FBXO42: variants seen among roughly 807,000 people sequenced by gnomAD.
FBXO42 encodes the protein F-box only protein 42.
In FBXO42, 12 loss-of-function variants were observed where a neutral mutation model predicts 71.7. The observed-to-expected ratio is 0.17, with a 90% CI of 0.11 to 0.27. The LOEUF (loss-of-function observed/expected upper bound fraction) is 0.27. Among genes scored for constraint, FBXO42 ranks in the 10% least tolerant of loss-of-function variants. The probability of loss-of-function intolerance (pLI) is 1.00; values close to 1 mark genes in which losing one functional copy is unlikely to be tolerated. For missense variants in FBXO42, 707 were observed against 911.9 expected (o/e 0.78, Z 2.89); for synonymous variants, 325 against 327.5 (o/e 0.99, Z 0.08).
chr1:16,350,170 A>C (rs2082686180), intron 1 of FBXO42, among the ~76,000 whole-genome samples: 1 of 152,110 alleles, frequency 6.6e-6, no homozygotes, highest in Non-Finnish European at 1.5e-5. Flanking sequence ...AAGGAATTGC[A>C]AAGGTCAAAA....
At chr1:16,339,463 C>A (rs1482982423) in intron 1 of FBXO42, among the ~76,000 whole-genome samples, 1 of 152,034 alleles carries the variant, frequency 6.6e-6, no homozygotes, top group African/African-American at 2.4e-5. Flanking sequence ...CAGGTGCGTG[C>A]CACCACGCCC....
intron 1 of FBXO42, among the ~76,000 whole-genome samples, chr1:16,321,600 A>G (rs2100589243): frequency 6.6e-6 from 1 of 152,224 alleles, no homozygotes; most frequent in South Asian, 2.1e-4. Flanking sequence ...CCATTGGCCT[A>G]GGCATCTTTG....
At chr1:16,298,930 A>G (rs2082160273) in intron 3 of FBXO42, among the ~76,000 whole-genome samples, 1 of 152,188 alleles carries the variant, frequency 6.6e-6, no homozygotes, top group Admixed American at 6.6e-5. Flanking sequence ...TTCCTCACAG[A>G]TAACTTCTTG....
At chr1:16,312,938 G>C (rs910825543) in intron 2 of FBXO42, among the ~76,000 whole-genome samples, 7 of 152,010 alleles carry the variant, frequency 4.6e-5, no homozygotes, top group Non-Finnish European at 1.0e-4. Flanking sequence ...AGGACTACAG[G>C]CACCCACCAC....
Position 16,248,693 on chromosome 1 carries a change from C to T in FBXO42, c.*1977G>A, listed in dbSNP as rs2081559447. 6.6e-6 allele frequency: 1 copy of T among 152,256 alleles called. No individual in the cohort carries two copies. The highest frequency in any genetic ancestry group is 2.1e-4 in the South Asian group (1 of 4,838). 9.4% of individuals were successfully genotyped at this position (152,256 alleles called of 1,614,324 possible). ...CTTTCCCTTGTAAATAAGGACCCCA[C>T]ATGATCGAACAGTCTTTGCCAAGCA... On this transcript the variant is annotated 3_prime_UTR_variant, in exon 10 of 10. Coordinates refer to ENST00000375592, the MANE Select transcript of FBXO42 (RefSeq NM_018994.3).
intron 1 of FBXO42, among the ~76,000 whole-genome samples, chr1:16,337,646 G>T (rs2082563017): frequency 6.6e-6 from 1 of 151,870 alleles, no homozygotes; most frequent in African/African-American, 2.4e-5. Flanking sequence ...ACTTTGGGAG[G>T]CCAAGGTGGG....
intron 1 of FBXO42, among the ~76,000 whole-genome samples, chr1:16,329,949 A>G (rs190575602): frequency 6.6e-6 from 1 of 151,592 alleles, no homozygotes; most frequent in East Asian, 2.0e-4. Context: ...ATACCATCTC[A>G]GGGCGGGGGA....
intron 1 of FBXO42, among the ~76,000 whole-genome samples, chr1:16,350,751 A>G (rs1163416984): frequency 2.1e-5 from 3 of 140,576 alleles, no homozygotes; most frequent in Non-Finnish European, 3.1e-5. Flanking sequence ...TGCAAAAAAA[A>G]AAAAAAAAAG....
intron 4 of FBXO42, among the ~76,000 whole-genome samples, chr1:16,258,626 G>C (rs1433676327): frequency 1.3e-5 from 2 of 152,096 alleles, no homozygotes; most frequent in Admixed American, 6.5e-5. Context: ...CGAAGTGTTA[G>C]GATTACAGGT....
intron 4 of FBXO42, among the ~76,000 whole-genome samples, chr1:16,280,775 A>AG (rs1383785096): frequency 2.6e-5 from 4 of 152,102 alleles, no homozygotes; most frequent in Admixed American, 2.6e-4. Flanking sequence ...CCCAGTCTCC[A>AG]GAAAAAAAAA....
chr1:16,341,907 G>A (rs1016766371), intron 1 of FBXO42, among the ~76,000 whole-genome samples: 12 of 149,948 alleles, frequency 8.0e-5, no homozygotes, highest in Non-Finnish European at 1.2e-4. Flanking sequence ...GGAGGCGGAG[G>A]TCGCGATGAG....
At chr1:16,283,493 A>AGTTTTTTTTTTTT (rs1487352402) in intron 4 of FBXO42, among the ~76,000 whole-genome samples, 2,749 of 63,918 alleles carry the variant, frequency 0.043, 208 homozygotes, top group Middle Eastern at 0.076. Flanking sequence ...AACTGTGGCA[A>AGTTTTTTTTTTTT]GTTTTTTTTT....
At chr1:16,330,906 C>T (rs1278282755) in intron 1 of FBXO42, among the ~76,000 whole-genome samples, 1 of 151,628 alleles carries the variant, frequency 6.6e-6, no homozygotes, top group Non-Finnish European at 1.5e-5. Context: ...CCTGCCATTG[C>T]ACTCCAGCCT....
intron 1 of FBXO42, among the ~76,000 whole-genome samples, chr1:16,318,905 G>A (rs1394997999): frequency 6.6e-6 from 1 of 152,176 alleles, no homozygotes; most frequent in African/African-American, 2.4e-5. Context: ...ACTGGCAGAA[G>A]GCTCCAAAGC....
intron 2 of FBXO42, among the ~76,000 whole-genome samples, chr1:16,308,130 C>T (rs2082271471): frequency 6.6e-6 from 1 of 151,910 alleles, no homozygotes; most frequent in South Asian, 2.1e-4. Flanking sequence ...AGAAATAGAC[C>T]CATACAAATA....
At chr1:16,257,391 C>A (rs1309297052) in intron 4 of FBXO42, among the ~76,000 whole-genome samples, 1 of 152,134 alleles carries the variant, frequency 6.6e-6, no homozygotes, top group Admixed American at 6.6e-5. Flanking sequence ...TGGGGCAGAC[C>A]TTCAAGGATT....
rs2081544106 is a variant in FBXO42 at position 16,247,321 on chromosome 1, G to C, written c.*3349C>G. The stretch of plus-strand genomic sequence containing the variant: ...GCGCTGGTAAGAGACCATGGATAAT[G>C]CAAAGTGGAGCATATCACCATGCCA... On this transcript the variant is annotated 3_prime_UTR_variant, in exon 10 of 10. Coordinates refer to ENST00000375592, the MANE Select transcript of FBXO42 (RefSeq NM_018994.3). 1 of 152,190 alleles carries C rather than the reference G, an allele frequency of 6.6e-6. No individual in the cohort carries two copies. The highest frequency in any genetic ancestry group is 2.4e-5 in the African/African-American group (1 of 41,422). The allele number at this position is 152,190 out of a possible 1,614,324, so 9.4% of individuals were successfully genotyped here.
chr1:16,327,874 G>A (rs1459606523), intron 1 of FBXO42, among the ~76,000 whole-genome samples: 1 of 152,012 alleles, frequency 6.6e-6, no homozygotes. Context: ...GCTAATTTTC[G>A]TATTTTAGTA....
At chr1:16,334,418 C>CA (rs757658037) in intron 1 of FBXO42, among the ~76,000 whole-genome samples, 1,968 of 52,158 alleles carry the variant, frequency 0.038, 71 homozygotes, top group African/African-American at 0.06. Context: ...GACTCCGCCT[C>CA]AAAAAAAAAA....
Sources: gnomAD v4.1 joint callset for allele counts (sites outside exome capture counted in the v4.1 genomes callset) on GRCh38, gnomAD v4.1.1 for gene constraint, MANE v1.5 for transcripts, NCBI Gene and HGNC (gene_info 2026-07-23, HGNC 2026-07-21) for gene names.